Variants in COL4A3 observed in about 807,000 individuals in gnomAD.
COL4A3 encodes the protein collagen type IV alpha 3 chain.
A neutral mutation model predicts 217.4 loss-of-function variants in COL4A3; 135 were observed. The ratio of observed to expected loss-of-function variants is 0.62; its 90% CI spans 0.54 to 0.72. The LOEUF is 0.72. COL4A3 is among the 30% of genes least tolerant of loss of function. COL4A3 has a pLI of 0.00. For synonymous variants in COL4A3, 690 were observed against 736.3 expected, an observed-to-expected ratio of 0.94 and a Z score of 1.02; for missense variants, 1,868 against 2,119.9, an observed-to-expected ratio of 0.88 and a Z score of 2.33.
chr2:227,261,262 C>A, intron 20 of COL4A3, 145 bp downstream of exon 20: 1 of 721,430 alleles, frequency 1.4e-6, no homozygotes, highest in Non-Finnish European at 2.3e-6. Flanking sequence ...CAATGGCTCA[C>A]GCCTGTAATC....
chr2:227,199,448 T>C (rs760528916), intron 1 of COL4A3, among the ~76,000 whole-genome samples: 1 of 152,232 alleles, frequency 6.6e-6, no homozygotes, highest in Non-Finnish European at 1.5e-5. Flanking sequence ...TGCCCTGTTG[T>C]AGTTCACTTC....
Position 227,244,986 on chromosome 2 carries a change from T to G in COL4A3, c.315T>G (p.Pro105=). 6.2e-7 allele frequency: 1 copy of G among 1,613,174 alleles called. No individual in the cohort carries two copies. Among genetic ancestry groups the G allele is most frequent in the Non-Finnish European group, 8.5e-7 (1 of 1,179,386 alleles). The part of the protein sequence containing the change: ...ISGLPGFSGS[P]GLPGTPGNTG... ...GATTGCCAGGATTTTCTGGTTCTCCTGGACTTCCAGTAAGTAATGGGAAAA... is the reference window on the plus strand; with the variant it reads ...GATTGCCAGGATTTTCTGGTTCTCCGGGACTTCCAGTAAGTAATGGGAAAA... The change falls in exon 5 of 52, where the codon CCT becomes CCG. Residue 105 remains proline, a synonymous_variant. Transcript: ENST00000396578.
intron 23 of COL4A3, chr2:227,268,873 C>T (rs2071076519): frequency 6.6e-6 from 1 of 152,164 alleles, no homozygotes; most frequent in Admixed American, 6.5e-5. Context: ...CCTTGAGTCT[C>T]CTCTTTGGCT....
At position 227,191,970 on chromosome 2, in the gene COL4A3, T is replaced by A. The variant is rs2066260881; in HGVS notation, c.87+27157T>A. Among the ~76,000 whole-genome samples the A allele has an allele frequency of 6.6e-6, 1 of 152,188 alleles. No individual in the cohort carries two copies. Among genetic ancestry groups the A allele is most frequent in the Admixed American group, 6.5e-5 (1 of 15,280 alleles). ...AAAAATTATCGAAGGAAAGTCATAT[T>A]TCCTTAAATTTCTCTGTGAATGTGT... On this transcript the variant is annotated intron_variant, in intron 1 of 51. Coordinates refer to ENST00000396578, the MANE Select transcript of COL4A3 (RefSeq NM_000091.5). This position sits in a 1 kb window ranked among gnomAD's most constrained non-coding sequence, Gnocchi z 6.8.
chr2:227,306,604 C>A, intron 47 of COL4A3, among the ~76,000 whole-genome samples: 1 of 152,118 alleles, frequency 6.6e-6, no homozygotes, highest in South Asian at 2.1e-4. Flanking sequence ...TTTCAAAAAA[C>A]CACTCAAGGT....
intron 1 of COL4A3, among the ~76,000 whole-genome samples, chr2:227,195,150 TG>T (rs2066419246): frequency 6.6e-6 from 1 of 152,146 alleles, no homozygotes; most frequent in African/African-American, 2.4e-5. Context: ...AGAAAAATGA[TG>T]GGGTCCTAAC....
chr2:227,235,452 C>A (rs758247015), intron 1 of COL4A3, among the ~76,000 whole-genome samples: 2 of 152,080 alleles, frequency 1.3e-5, no homozygotes, highest in Non-Finnish European at 2.9e-5. Flanking sequence ...ACTTTCTCTT[C>A]ATTTATTTCA....
rs187950806 is a variant in COL4A3 at position 227,240,220 on chromosome 2, G to A, written c.222G>A (p.Pro74=). The A allele has an allele frequency of 1.1e-4, 183 of 1,609,868 alleles. 2 individuals are homozygous for A. In the South Asian group the frequency reaches 1.8e-3, roughly 15 times the overall value. The change falls in exon 3 of 52, where the codon CCG becomes CCA. Residue 74 remains proline, a synonymous_variant. Transcript: ENST00000396578. ...CAGGTCCTGAAGGCTTGCCTGGACCGCAGGGACCCAAGGTATGTCATCCTG... is the reference window on the plus strand; with the variant it reads ...CAGGTCCTGAAGGCTTGCCTGGACCACAGGGACCCAAGGTATGTCATCCTG... The part of the protein sequence containing the change: ...GFTGPEGLPG[P]QGPKGFPGLP...
At chr2:227,285,277 TAAAAAAAAAA>T (rs764697409) in intron 34 of COL4A3, among the ~76,000 whole-genome samples, 4 of 72,376 alleles carry the variant, frequency 5.5e-5, no homozygotes, top group African/African-American at 1.1e-4. Flanking sequence ...CTGCCAAACC[TAAAAAAAAAA>T]AAAAAAAAAA....
chr2:227,214,202 A>C (rs10169267), intron 1 of COL4A3, among the ~76,000 whole-genome samples: 1 of 152,136 alleles, frequency 6.6e-6, no homozygotes, highest in African/African-American at 2.4e-5. Context: ...TAATTTGATA[A>C]TATACAATGT....
At chr2:227,292,417 G>C (rs2106222024) in intron 37 of COL4A3, among the ~76,000 whole-genome samples, 1 of 152,266 alleles carries the variant, frequency 6.6e-6, no homozygotes, top group South Asian at 2.1e-4. Flanking sequence ...TCAATTAACT[G>C]ATAGTTTCAT....
chr2:227,290,998 C>A (rs931331859), intron 37 of COL4A3, 112 bp downstream of exon 37: 18 of 1,227,042 alleles, frequency 1.5e-5, no homozygotes, highest in Non-Finnish European at 1.8e-5. Context: ...TGTTACTATA[C>A]TTTCAGACAG....
intron 28 of COL4A3, among the ~76,000 whole-genome samples, chr2:227,278,279 C>G (rs77967510): frequency 0.032 from 4,811 of 152,224 alleles, 136 homozygotes; most frequent in Admixed American, 0.045. Flanking sequence ...ACGCTGAGAG[C>G]TCACACAATG....
At chr2:227,245,456 G>A (rs6750893) in intron 5 of COL4A3, among the ~76,000 whole-genome samples, 50 of 152,094 alleles carry the variant, frequency 3.3e-4, no homozygotes, top group Non-Finnish European at 4.7e-4. Context: ...GTGCAAATAC[G>A]GTACCATTCT....
intron 24 of COL4A3, 99 bp downstream of exon 24, chr2:227,270,079 C>A: frequency 1.1e-6 from 1 of 899,626 alleles, no homozygotes; most frequent in Non-Finnish European, 1.8e-6. Flanking sequence ...GCCTTGCAAA[C>A]AGTAGGCACT....
Position 227,282,340 on chromosome 2 carries a change from AATTC to A in COL4A3, c.2489-17_2489-14del. On this transcript the variant is annotated intron_variant, in intron 31 of 51. Coordinates refer to ENST00000396578, the MANE Select transcript of COL4A3 (RefSeq NM_000091.5). The surrounding 1 kb of genome is among the most constrained non-coding windows in gnomAD (Gnocchi z 4.4). Reference sequence around the variant, plus strand: ...AGGGGAAAGCATTTGTGGGTTAATTAATTCATTCATTTATTCGTACACAGGCAGA... The same window carrying A: ...AGGGGAAAGCATTTGTGGGTTAATTAATTCATTTATTCGTACACAGGCAGA... 6.3e-7 allele frequency: 1 copy of A among 1,589,772 alleles called. No individual in the cohort carries two copies. The highest frequency in any genetic ancestry group is 8.6e-7 in the Non-Finnish European group (1 of 1,161,206).
intron 1 of COL4A3, among the ~76,000 whole-genome samples, chr2:227,202,540 C>T (rs562486282): frequency 1.3e-4 from 19 of 150,528 alleles, no homozygotes; most frequent in Non-Finnish European, 2.4e-4. Context: ...GTCAGGAGAT[C>T]GAGACCATCT....
chr2:227,164,702 C>T lies in COL4A3; in HGVS notation c.-25C>T. On this transcript the variant is annotated 5_prime_UTR_variant, in exon 1 of 52. Transcript: ENST00000396578. The surrounding 1 kb of genome is among the most constrained non-coding windows in gnomAD (Gnocchi z 4.8). The stretch of plus-strand genomic sequence containing the variant: ...GAGAGCCTGAGGGTCCCCGGACTCG[C>T]CCAGGCTCTGAGCGCGCGCCCACCA... The T allele has an allele frequency of 1.3e-6, 2 of 1,530,774 alleles. No homozygotes were observed. Among genetic ancestry groups the T allele is most frequent in the Non-Finnish European group, 1.7e-6 (2 of 1,145,268 alleles). The allele number at this position is 1,530,774 out of a possible 1,614,324, so 94.8% of individuals were successfully genotyped here.
At position 227,298,663 on chromosome 2, in the gene COL4A3, A is replaced by G; in HGVS notation, c.3752-19A>G. 1 of 1,613,478 alleles carries G rather than the reference A, an allele frequency of 6.2e-7. No individual in the cohort carries two copies. The highest frequency in any genetic ancestry group is 2.2e-5 in the East Asian group (1 of 44,848). ...AAGCTCCCTGGCTGGCAATACTGAC[A>G]GACTTTTCATGAATTCAGGTGCGCC... On this transcript the variant is annotated intron_variant, in intron 42 of 51. Coordinates refer to ENST00000396578, the MANE Select transcript of COL4A3 (RefSeq NM_000091.5).
Sources: gnomAD v4.1 joint callset for allele counts (sites outside exome capture counted in the v4.1 genomes callset) on GRCh38, gnomAD v4.1.1 for gene constraint, Gnocchi (gnomAD v3.1) non-coding constraint, MANE v1.5 for transcripts, NCBI Gene and HGNC (gene_info 2026-07-23, HGNC 2026-07-21) for gene names.